Variants in KPNA5 observed in about 807,000 individuals in gnomAD.
KPNA5 encodes the protein importin subunit alpha-6.
KPNA5 carries 46 observed loss-of-function variants against 71.3 expected under a neutral mutation model. The ratio of observed to expected loss-of-function variants is 0.65; its 90% CI spans 0.51 to 0.83. The LOEUF (loss-of-function observed/expected upper bound fraction) is 0.83. KPNA5 is among the 40% of genes least tolerant of loss of function. The pLI is 0.00. For missense variants in KPNA5, 547 were observed against 628.3 expected (o/e 0.87, Z 1.38); for synonymous variants, 207 against 201.4 (o/e 1.03, Z -0.24).
At chr6:116,699,648 C>G (rs1260631612) in intron 5 of KPNA5, among the ~76,000 whole-genome samples, 1 of 152,140 alleles carries the variant, frequency 6.6e-6, no homozygotes, top group African/African-American at 2.4e-5. Flanking sequence ...CAATAAGGGT[C>G]TCTAAGAGGC....
Position 116,702,059 on chromosome 6 carries a change from C to T in KPNA5, c.476C>T (p.Thr159Ile). ...GCATTAACAAATATAGCATCTGGAA[C>T]TTTTCTGCATACCAAGGTAGTGATT... is the stretch of plus-strand genomic sequence containing the variant. ...AWALTNIASG[T>I]FLHTKVVIET... is the part of the protein sequence containing the mutation. Residue 159 changes from threonine to isoleucine, a missense_variant, in exon 6 of 14, where the codon ACT becomes ATT. By Grantham distance (89) the Thr-to-Ile change is moderately conservative. Coordinates refer to ENST00000368564, the MANE Select transcript of KPNA5 (RefSeq NM_001366306.2). 6.2e-7 allele frequency: 1 copy of T among 1,613,736 alleles called. No homozygotes were observed. The highest frequency in any genetic ancestry group is 8.5e-7 in the Non-Finnish European group (1 of 1,179,864).
At chr6:116,711,026 C>G (rs1778655131) in intron 7 of KPNA5, among the ~76,000 whole-genome samples, 1 of 150,810 alleles carries the variant, frequency 6.6e-6, no homozygotes, top group African/African-American at 2.4e-5. Flanking sequence ...TCCCAAGTAG[C>G]TGGGATTACA....
chr6:116,728,872 T>C (rs1342248056), intron 12 of KPNA5, among the ~76,000 whole-genome samples: 1 of 152,120 alleles, frequency 6.6e-6, no homozygotes, highest in East Asian at 1.9e-4. Flanking sequence ...TATGGACTTT[T>C]TGCCAAGTGA....
chr6:116,702,222 G>C, intron 6 of KPNA5, 72 bp downstream of exon 6: 1 of 1,455,692 alleles, frequency 6.9e-7, no homozygotes, highest in Non-Finnish European at 9.4e-7. Flanking sequence ...TTGTAATTAC[G>C]ATGTGTAATT....
chr6:116,717,816 G>A (rs1583436032), intron 8 of KPNA5, among the ~76,000 whole-genome samples: 2 of 152,090 alleles, frequency 1.3e-5, no homozygotes, highest in Non-Finnish European at 2.9e-5. Flanking sequence ...TGGGAGGTGA[G>A]CATGAGCAGT....
At chr6:116,708,540 TTAATAA>T in intron 7 of KPNA5, among the ~76,000 whole-genome samples, 1 of 152,218 alleles carries the variant, frequency 6.6e-6, no homozygotes, top group Non-Finnish European at 1.5e-5. Flanking sequence ...TATTGCCATC[TTAATAA>T]TATTAAGGCT....
chr6:116,723,258 A>G (rs1208739316), intron 9 of KPNA5, among the ~76,000 whole-genome samples: 2 of 152,254 alleles, frequency 1.3e-5, no homozygotes, highest in Admixed American at 1.3e-4. Flanking sequence ...AACTAGAAAT[A>G]TCAGTGTGAA....
chr6:116,698,723 T>C lies in KPNA5; in HGVS notation c.360T>C (p.Asp120=). 1 of 1,587,422 alleles carries C rather than the reference T, an allele frequency of 6.3e-7. No homozygotes were observed. Residue 120 remains aspartate, a synonymous_variant, in exon 5 of 14, where the codon GAT becomes GAC. Transcript: ENST00000368564. ...LLSKEPNPPI[D]QVIQKPGVVQ... Reference sequence around the variant, plus strand: ...TTTTAGAACCTAATCCACCAATAGATCAAGTTATACAGAAACCAGGAGTTG... The same window carrying C: ...TTTTAGAACCTAATCCACCAATAGACCAAGTTATACAGAAACCAGGAGTTG...
In KPNA5 at chr6:116,741,754, CAGTT is replaced by C. The variant is rs1338234251; in HGVS notation, c.*9433_*9436del. Reference sequence around the variant, plus strand: ...ACAACAAAAAAGCGGTGACAGGAAACAGTTAAGGAAATGATTTAACTGAAGGGAA... The same window carrying C: ...ACAACAAAAAAGCGGTGACAGGAAACAAGGAAATGATTTAACTGAAGGGAA... On this transcript the variant is annotated 3_prime_UTR_variant, in exon 14 of 14. Transcript: ENST00000368564. The C allele has an allele frequency of 2.0e-5, 3 of 152,268 alleles. No homozygotes were observed. Among genetic ancestry groups the C allele is most frequent in the Non-Finnish European group, 4.4e-5 (3 of 67,994 alleles). 9.4% of individuals were successfully genotyped at this position (152,268 alleles called of 1,614,324 possible). A position where few individuals can be genotyped will look rare whatever the true frequency, so the allele number is the denominator to read the frequency against.
chr6:116,689,233 C>A, intron 1 of KPNA5, 87 bp from the exon 2 acceptor site: 2 of 1,392,330 alleles, frequency 1.4e-6, no homozygotes, highest in South Asian at 1.4e-5. Context: ...AATCAGTGAG[C>A]CTGAATTTAG....
Position 116,702,068 on chromosome 6 carries a change from A to G in KPNA5, c.485A>G (p.His162Arg). 1 of 1,613,744 alleles carries G rather than the reference A, an allele frequency of 6.2e-7. No individual in the cohort carries two copies. The highest frequency in any genetic ancestry group is 8.5e-7 in the Non-Finnish European group (1 of 1,179,864). ...LTNIASGTFLHTKVVIETGAV... is the reference protein window; with the variant it reads ...LTNIASGTFLRTKVVIETGAV... ...AATATAGCATCTGGAACTTTTCTGCATACCAAGGTAGTGATTGAAACTGGG... is the reference window on the plus strand; with the variant it reads ...AATATAGCATCTGGAACTTTTCTGCGTACCAAGGTAGTGATTGAAACTGGG... The change falls in exon 6 of 14, where the codon CAT becomes CGT. Residue 162 changes from histidine (H) to arginine (R), a missense_variant. His to Arg is a conservative substitution (Grantham distance 29). Transcript: ENST00000368564.
At chr6:116,724,754 G>A (rs1779234801) in intron 10 of KPNA5, among the ~76,000 whole-genome samples, 1 of 151,936 alleles carries the variant, frequency 6.6e-6, no homozygotes, top group African/African-American at 2.4e-5. Context: ...GACTGCAGGT[G>A]TGCACCACCA....
chr6:116,683,262 T>C (rs897112090), intron 1 of KPNA5, among the ~76,000 whole-genome samples: 23 of 152,324 alleles, frequency 1.5e-4, no homozygotes, highest in African/African-American at 5.5e-4. Flanking sequence ...AATAAATATA[T>C]TGAGGATGAA....
chr6:116,684,492 G>A (rs571059662), intron 1 of KPNA5, among the ~76,000 whole-genome samples: 2 of 152,100 alleles, frequency 1.3e-5, no homozygotes, highest in African/African-American at 2.4e-5. Flanking sequence ...TGAATAAACC[G>A]AGTGGCCTGT....
intron 1 of KPNA5, among the ~76,000 whole-genome samples, chr6:116,681,809 G>A (rs143762332): frequency 5.3e-5 from 8 of 152,246 alleles, no homozygotes; most frequent in Admixed American, 3.9e-4. Context: ...CCACCTGCGT[G>A]CAGGTGCCTC....
At chr6:116,719,559 A>G (rs566281185) in intron 8 of KPNA5, among the ~76,000 whole-genome samples, 69 of 152,244 alleles carry the variant, frequency 4.5e-4, no homozygotes, top group African/African-American at 1.5e-3. Flanking sequence ...GCTACTACAT[A>G]TCCTGCAGCT....
In KPNA5 at chr6:116,705,101, T is replaced by C; in HGVS notation, c.597T>C (p.Gly199=). ...QAVWALGNIA[G]DNAECRDFVL... ...TTTGGGCACTTGGTAATATTGCTGG[T>C]GACAATGCAGAATGCAGAGATTTTG... The change falls in exon 7 of 14, where the codon GGT becomes GGC. Residue 199 remains glycine, a synonymous_variant. Coordinates refer to ENST00000368564, the MANE Select transcript of KPNA5 (RefSeq NM_001366306.2). The C allele has an allele frequency of 2.5e-6, 4 of 1,612,900 alleles. No homozygotes were observed. In the South Asian group the frequency reaches 3.3e-5, roughly 13 times the overall value.
At chr6:116,719,457 G>A (rs1370006410) in intron 8 of KPNA5, among the ~76,000 whole-genome samples, 1 of 152,176 alleles carries the variant, frequency 6.6e-6, no homozygotes, top group Non-Finnish European at 1.5e-5. Context: ...TCTCTTTTGT[G>A]AGACCATTCA....
rs1212215483 is a variant in KPNA5, at chr6:116,740,499, T to C, written c.*8176T>C. On this transcript the variant is annotated 3_prime_UTR_variant, in exon 14 of 14. Coordinates refer to ENST00000368564, the MANE Select transcript of KPNA5 (RefSeq NM_001366306.2). ...CCCAGCCATCCCATTACTGGGTATA[T>C]ACCCAAAGGAATATAAATCATGCTG... is the stretch of plus-strand genomic sequence containing the variant. 6.6e-6 allele frequency: 1 copy of C among 152,190 alleles called. No individual in the cohort carries two copies. The highest frequency in any genetic ancestry group is 1.5e-5 in the Non-Finnish European group (1 of 68,048). The allele number at this position is 152,190 out of a possible 1,614,324, so 9.4% of individuals were successfully genotyped here. A position where few individuals can be genotyped will look rare whatever the true frequency, so the allele number is the denominator to read the frequency against.
Sources: gnomAD v4.1 joint callset for allele counts (sites outside exome capture counted in the v4.1 genomes callset) on GRCh38, gnomAD v4.1.1 for gene constraint, MANE v1.5 for transcripts, NCBI Gene and HGNC (gene_info 2026-07-23, HGNC 2026-07-21) for gene names.